Variants in NETO1 observed in about 807,000 individuals in gnomAD.
NETO1 encodes neuropilin and tolloid-like protein 1.
In NETO1, 26 loss-of-function variants were observed where a neutral mutation model predicts 61.3. That is an observed-to-expected ratio of 0.42 (90% CI 0.31 to 0.59). NETO1 has a LOEUF of 0.59. Among genes scored for constraint, NETO1 ranks in the 20% least tolerant of loss-of-function variants. NETO1 has a pLI of 0.12. For synonymous variants in NETO1, 225 were observed against 225.8 expected, an observed-to-expected ratio of 1.00 and a Z score of 0.03; for missense variants, 531 against 662.8, an observed-to-expected ratio of 0.80 and a Z score of 2.18.
intron 4 of NETO1, among the ~76,000 whole-genome samples, chr18:72,808,081 C>A (rs542771894): frequency 6.6e-6 from 1 of 152,280 alleles, no homozygotes; most frequent in South Asian, 2.1e-4. Context: ...CCATTATTAT[C>A]CTCTTTTCTC....
chr18:72,857,353 A>G (rs947706593), intron 4 of NETO1, among the ~76,000 whole-genome samples: 9 of 152,232 alleles, frequency 5.9e-5, no homozygotes, highest in African/African-American at 1.9e-4. Flanking sequence ...AAGGTTTTTT[A>G]AAACCTAGAA....
intron 4 of NETO1, among the ~76,000 whole-genome samples, chr18:72,818,314 T>G (rs1366938290): frequency 6.6e-6 from 1 of 152,222 alleles, no homozygotes; most frequent in African/African-American, 2.4e-5. Context: ...TGCTTTACTC[T>G]TGCGATTTCA....
At chr18:72,866,959 G>A in intron 1 of NETO1, 1 of 412,012 alleles carries the variant, frequency 2.4e-6, no homozygotes. Flanking sequence ...CCCTCGCTTG[G>A]GCCAATCTCT....
Position 72,864,904 on chromosome 18 carries a change from C to A in NETO1, c.124G>T (p.Gly42Ter), listed in dbSNP as rs1349614661. The A allele has an allele frequency of 6.2e-7, 1 of 1,613,268 alleles. No homozygotes were observed. Among genetic ancestry groups the A allele is most frequent in the Non-Finnish European group, 8.5e-7 (1 of 1,179,878 alleles). ...CCCTCTGCATGTTTTGTCCAAGTTC[C>A]ACACTGCACTGACTTCTGTGTTTCT... ...TSETQKSVQC[G>*]TWTKHAEGGI... The change falls in exon 3 of 11, where the codon GGA (glycine) becomes TGA (stop). Residue 42 changes from glycine (G) to a stop codon, truncating the protein, a stop_gained. Transcript: ENST00000327305. LOFTEE classifies it high-confidence loss of function.
chr18:72,792,517 T>C (rs540059146), intron 6 of NETO1, among the ~76,000 whole-genome samples: 2 of 151,944 alleles, frequency 1.3e-5, no homozygotes, highest in Admixed American at 6.6e-5. Flanking sequence ...CTCATCTCTC[T>C]CTAGTATTTC....
At chr18:72,767,041 T>C (rs9951075) in intron 7 of NETO1, among the ~76,000 whole-genome samples, 48,483 of 152,034 alleles carry the variant, frequency 0.32, 8,157 homozygotes, top group Admixed American at 0.43. Flanking sequence ...TCATAATATG[T>C]ACATGTCAGT....
chr18:72,776,520 A>T (rs1483814879), intron 7 of NETO1, among the ~76,000 whole-genome samples: 3 of 152,164 alleles, frequency 2.0e-5, no homozygotes, highest in Admixed American at 1.3e-4. Context: ...TTTACTTCTC[A>T]CTGTTTTGGA....
rs2070457176 is a variant in NETO1, at chr18:72,747,546, G to C, written c.*633C>G. On this transcript the variant is annotated 3_prime_UTR_variant, in exon 11 of 11. Coordinates refer to ENST00000327305, the MANE Select transcript of NETO1 (RefSeq NM_138966.5). ...GATATAAAACAAAAAGGAAATCAGGGGTATACAGGAAAGACCAAAAAATGA... is the reference window on the plus strand; with the variant it reads ...GATATAAAACAAAAAGGAAATCAGGCGTATACAGGAAAGACCAAAAAATGA... The C allele has an allele frequency of 6.6e-6, 1 of 151,662 alleles. No individual in the cohort carries two copies. Among genetic ancestry groups the C allele is most frequent in the South Asian group, 2.1e-4 (1 of 4,786 alleles). 9.4% of individuals were successfully genotyped at this position (151,662 alleles called of 1,614,324 possible). A position where few individuals can be genotyped will look rare whatever the true frequency, so the allele number is the denominator to read the frequency against.
chr18:72,832,545 G>T (rs1368803164), intron 4 of NETO1, among the ~76,000 whole-genome samples: 1 of 152,078 alleles, frequency 6.6e-6, no homozygotes, highest in East Asian at 1.9e-4. Flanking sequence ...CCCATACATT[G>T]CAATAAGCAG....
In NETO1 at chr18:72,794,378, A is replaced by G; in HGVS notation, c.496T>C (p.Leu166=). 1 of 1,612,864 alleles carries G rather than the reference A, an allele frequency of 6.2e-7. No homozygotes were observed. Among genetic ancestry groups the G allele is most frequent in the Non-Finnish European group, 8.5e-7 (1 of 1,179,764 alleles). Residue 166 remains leucine (L), a synonymous_variant, in exon 5 of 11, where the codon TTG becomes CTG. Transcript: ENST00000327305. Reference sequence around the variant, plus strand: ...TTTTACCAACCTGGTAATGGTTTCAAAGCTCCAAGGTCCTTAAAGTCAGGA... The same window carrying G: ...TTTTACCAACCTGGTAATGGTTTCAGAGCTCCAAGGTCCTTAAAGTCAGGA... The part of the protein sequence containing the change: ...PDPDFKDLGA[L]KPLPACEFEM...
At chr18:72,812,499 T>C (rs2072901012) in intron 4 of NETO1, among the ~76,000 whole-genome samples, 1 of 152,240 alleles carries the variant, frequency 6.6e-6, no homozygotes, top group African/African-American at 2.4e-5. Context: ...CTTTTTGGTT[T>C]CTTCCTCACT....
chr18:72,808,340 C>T (rs2072746460), intron 4 of NETO1, among the ~76,000 whole-genome samples: 1 of 151,874 alleles, frequency 6.6e-6, no homozygotes, highest in Non-Finnish European at 1.5e-5. Flanking sequence ...CCCAGGCTTA[C>T]AAGCGTGACA....
intron 6 of NETO1, among the ~76,000 whole-genome samples, chr18:72,784,998 T>C (rs1406453559): frequency 6.6e-6 from 1 of 152,218 alleles, no homozygotes; most frequent in Non-Finnish European, 1.5e-5. Flanking sequence ...AAAAGACCCA[T>C]GCACTTTGAG....
At chr18:72,772,975 T>C (rs2071426485) in intron 7 of NETO1, among the ~76,000 whole-genome samples, 1 of 150,608 alleles carries the variant, frequency 6.6e-6, no homozygotes, top group African/African-American at 2.4e-5. Context: ...CTGAGGAAAT[T>C]AGCCTACACC....
intron 6 of NETO1, among the ~76,000 whole-genome samples, chr18:72,784,824 C>T (rs917882411): frequency 1.3e-5 from 2 of 152,350 alleles, no homozygotes; most frequent in South Asian, 2.1e-4. Context: ...ATGCGTCCAT[C>T]GATTCAGTGG....
At chr18:72,772,825 CTATATATATATATATATATA>C (rs59339805) in intron 7 of NETO1, among the ~76,000 whole-genome samples, 651 of 40,738 alleles carry the variant, frequency 0.016, 13 homozygotes, top group African/African-American at 0.056. Flanking sequence ...CTCTCTCTCT[CTATATATATATATATATATA>C]TATATATATA....
At chr18:72,799,391 C>G (rs2072427328) in intron 4 of NETO1, among the ~76,000 whole-genome samples, 1 of 152,182 alleles carries the variant, frequency 6.6e-6, no homozygotes, top group African/African-American at 2.4e-5. Context: ...GTTATGTGCA[C>G]TTTTATTGCC....
At chr18:72,742,797 A>G (rs2070363323), downstream of NETO1, 1 of 152,208 alleles carries the variant, frequency 6.6e-6, no homozygotes, top group Admixed American at 6.5e-5. Context: ...AACAAATATT[A>G]TTAATTAGTC....
At chr18:72,808,456 G>GTGTGTGT (rs1491239651) in intron 4 of NETO1, among the ~76,000 whole-genome samples, 1 of 55,878 alleles carries the variant, frequency 1.8e-5, no homozygotes, top group Non-Finnish European at 5.7e-5. Flanking sequence ...TGTGTGTGTG[G>GTGTGTGT]AGTGTGTGTG....
Sources: allele counts gnomAD v4.1 joint callset (sites outside exome capture counted in the v4.1 genomes callset), GRCh38; gene constraint gnomAD v4.1.1; transcripts MANE v1.5; gene names NCBI Gene and HGNC (gene_info 2026-07-23, HGNC 2026-07-21).